Variants in KAT6B observed in about 807,000 individuals in gnomAD.
KAT6B encodes lysine acetyltransferase 6B, also known as histone acetyltransferase KAT6B.
KAT6B carries 10 observed loss-of-function variants against 187.5 expected under a neutral mutation model. The ratio of observed to expected loss-of-function variants is 0.05; its 90% CI spans 0.03 to 0.09. KAT6B has a LOEUF of 0.09. KAT6B is among the 10% of genes least tolerant of loss of function. The pLI is 1.00. For synonymous variants in KAT6B, 861 were observed against 926.8 expected (o/e 0.93, Z 1.29); for missense variants, 1,952 against 2,558.9 (o/e 0.76, Z 5.12).
chr10:74,939,047 C>A (rs1395969151), intron 3 of KAT6B, among the ~76,000 whole-genome samples: 1 of 134,992 alleles, frequency 7.4e-6, no homozygotes, highest in African/African-American at 3.3e-5. Flanking sequence ...CCTTTATTTT[C>A]TTAACACACA....
At chr10:74,951,064 T>G (rs1314049063) in intron 3 of KAT6B, among the ~76,000 whole-genome samples, 1 of 152,154 alleles carries the variant, frequency 6.6e-6, no homozygotes, top group Non-Finnish European at 1.5e-5. Context: ...TTGTTATAAT[T>G]TTGTTACCAT....
At chr10:74,998,159 G>T (rs1843573542) in intron 13 of KAT6B, among the ~76,000 whole-genome samples, 1 of 151,732 alleles carries the variant, frequency 6.6e-6, no homozygotes, top group Non-Finnish European at 1.5e-5. Context: ...TTGCTATGTT[G>T]CCCAGGCTGG....
chr10:74,895,791 G>A (rs1367576982), intron 3 of KAT6B, among the ~76,000 whole-genome samples: 1 of 152,076 alleles, frequency 6.6e-6, no homozygotes, highest in African/African-American at 2.4e-5. Flanking sequence ...TGGGATTATA[G>A]GCATGAGCCA....
At chr10:74,978,588 C>A (rs1842309145) in intron 9 of KAT6B, among the ~76,000 whole-genome samples, 1 of 152,114 alleles carries the variant, frequency 6.6e-6, no homozygotes, top group Non-Finnish European at 1.5e-5. Flanking sequence ...GTAAAACTGG[C>A]TTTTTTTATT....
intron 3 of KAT6B, among the ~76,000 whole-genome samples, chr10:74,858,188 C>T (rs1228346746): frequency 1.3e-5 from 2 of 151,966 alleles, no homozygotes; most frequent in Non-Finnish European, 2.9e-5. Context: ...CTCTTGCCTC[C>T]ACTTCATGTC....
intron 3 of KAT6B, among the ~76,000 whole-genome samples, chr10:74,901,194 C>T (rs74146251): frequency 0.021 from 3,172 of 152,262 alleles, 131 homozygotes; most frequent in African/African-American, 0.073. Context: ...ATCCAGTTAC[C>T]TGTCAAAGCC....
intron 9 of KAT6B, among the ~76,000 whole-genome samples, chr10:74,977,827 G>A (rs1048230109): frequency 1.1e-4 from 17 of 152,140 alleles, no homozygotes; most frequent in Non-Finnish European, 2.5e-4. Flanking sequence ...CAACACAGAT[G>A]GCCAGCCATA....
intron 1 of KAT6B, among the ~76,000 whole-genome samples, chr10:74,833,681 G>T (rs1388708812): frequency 6.6e-6 from 1 of 152,084 alleles, no homozygotes; most frequent in African/African-American, 2.4e-5. Flanking sequence ...GACATAACAA[G>T]GATATTGTCA....
intron 3 of KAT6B, among the ~76,000 whole-genome samples, chr10:74,926,293 A>C (rs1848499175): frequency 6.6e-6 from 1 of 152,194 alleles, no homozygotes; most frequent in South Asian, 2.1e-4. Context: ...GTCTCTACTA[A>C]AAATACAAAA....
At chr10:74,914,590 A>G (rs1038278568) in intron 3 of KAT6B, among the ~76,000 whole-genome samples, 3 of 152,218 alleles carry the variant, frequency 2.0e-5, no homozygotes, top group Non-Finnish European at 4.4e-5. Flanking sequence ...CAACTTTTTC[A>G]AGCAACTGGC....
intron 4 of KAT6B, 78 bp from the exon 5 acceptor site, chr10:74,969,580 CTA>C (rs2133652349): frequency 1.3e-6 from 1 of 794,866 alleles, no homozygotes. Context: ...CATCAGCTAT[CTA>C]TTAAATATTA....
Position 74,985,113 on chromosome 10 carries a change from A to T in KAT6B, c.2407A>T (p.Asn803Tyr). Residue 803 changes from asparagine to tyrosine, a missense_variant, in exon 12 of 18, where the codon AAC becomes TAC. Asn to Tyr is a moderately radical substitution (Grantham distance 143). Around this residue, in one of 9 missense-constraint regions of KAT6B, gnomAD observed 87 missense variants for 191.8 expected, o/e 0.45. Transcript: ENST00000287239. Reference protein sequence around the residue: ...DGNMSKIYCQNLCLLAKLFLD... With the variant: ...DGNMSKIYCQYLCLLAKLFLD... ...GAATATGAGCAAAATTTATTGCCAA[A>T]ACCTTTGCTTGTTAGCCAAGCTCTT... is the stretch of plus-strand genomic sequence containing the variant. The T allele has an allele frequency of 6.2e-7, 1 of 1,614,154 alleles. No homozygotes were observed. The highest frequency in any genetic ancestry group is 8.5e-7 in the Non-Finnish European group (1 of 1,180,014).
chr10:74,842,073 C>T (rs1375813107), intron 2 of KAT6B, among the ~76,000 whole-genome samples: 4 of 152,108 alleles, frequency 2.6e-5, no homozygotes, highest in Admixed American at 2.6e-4. Flanking sequence ...TATCATAGAC[C>T]TCTGTTAAAG....
chr10:74,936,830 T>C (rs1211662200), intron 3 of KAT6B, among the ~76,000 whole-genome samples: 3 of 152,362 alleles, frequency 2.0e-5, no homozygotes, highest in South Asian at 2.1e-4. Flanking sequence ...TTACAACTTA[T>C]GTCATTTTAG....
At position 75,031,178 on chromosome 10, in the gene KAT6B, A is replaced by T. The variant is rs1183168569; in HGVS notation, c.*132A>T. 70 of 178,680 alleles carry T rather than the reference A, an allele frequency of 3.9e-4. No homozygotes were observed. Among genetic ancestry groups the T allele is most frequent in the Middle Eastern group, 1.9e-3 (2 of 1,044 alleles). The allele number at this position is 178,680 out of a possible 1,614,324, so 11.1% of individuals were successfully genotyped here. ...AAACATTTGTTGGCACCATTTATTT[A>T]AAAAAAAAAAAAGCTGTATGCAGCA... On this transcript the variant is annotated 3_prime_UTR_variant, in exon 18 of 18. Transcript: ENST00000287239.
intron 3 of KAT6B, among the ~76,000 whole-genome samples, chr10:74,955,868 ATTATAT>A (rs921486430): frequency 2.6e-5 from 4 of 152,088 alleles, no homozygotes; most frequent in African/African-American, 9.7e-5. Context: ...CGGATCACAG[ATTATAT>A]TTATATTTAG....
At chr10:74,908,235 C>T (rs1020994090) in intron 3 of KAT6B, among the ~76,000 whole-genome samples, 4 of 152,164 alleles carry the variant, frequency 2.6e-5, no homozygotes, top group Non-Finnish European at 5.9e-5. Context: ...TGAGGCCCCT[C>T]GAACTTGGAC....
At chr10:74,960,855 G>A (rs1841051017) in intron 4 of KAT6B, among the ~76,000 whole-genome samples, 1 of 152,220 alleles carries the variant, frequency 6.6e-6, no homozygotes, top group Non-Finnish European at 1.5e-5. Flanking sequence ...TTATGGTTTA[G>A]CATGTTTGAT....
At chr10:74,828,037 T>G (rs1840401978) in intron 1 of KAT6B, among the ~76,000 whole-genome samples, 1 of 152,110 alleles carries the variant, frequency 6.6e-6, no homozygotes, top group Admixed American at 6.6e-5. Context: ...GGAAGAGACA[T>G]GCACCATACC....
Sources: gnomAD v4.1 joint callset for allele counts (sites outside exome capture counted in the v4.1 genomes callset) on GRCh38, gnomAD v4.1.1 for gene constraint, gnomAD v4.1.1 regional missense constraint, MANE v1.5 for transcripts, NCBI Gene and HGNC (gene_info 2026-07-23, HGNC 2026-07-21) for gene names.